The following FNDC3A variants were observed in gnomAD, a reference collection of about 807,000 sequenced individuals.
FNDC3A encodes the protein fibronectin type III domain containing 3A, also known as fibronectin type-III domain-containing protein 3A.
FNDC3A carries 32 observed loss-of-function variants against 148.9 expected under a neutral mutation model. That is an observed-to-expected ratio of 0.21 (90% confidence interval 0.16 to 0.29). The LOEUF (loss-of-function observed/expected upper bound fraction) is 0.29, where lower values mean the gene tolerates loss of function less well. FNDC3A is among the 10% of genes least tolerant of loss of function. The probability of loss-of-function intolerance (pLI) is 1.00; values close to 1 mark genes in which losing one functional copy is unlikely to be tolerated. For missense variants in FNDC3A, 1,191 were observed against 1,452.8 expected (o/e 0.82, Z 2.93); for synonymous variants, 472 against 473.6 (o/e 1.00, Z 0.04).
In FNDC3A at chr13:49,175,515, A is replaced by G. The variant is rs201044902; in HGVS notation, c.1504A>G (p.Ile502Val). The G allele has an allele frequency of 5.0e-6, 8 of 1,608,986 alleles. No individual in the cohort carries two copies. In the East Asian group the frequency reaches 8.9e-5, roughly 18 times the overall value. The change falls in exon 13 of 26, where the codon ATT becomes GTT. Residue 502 changes from isoleucine to valine, a missense_variant. By Grantham distance (29) the Ile-to-Val change is conservative. Coordinates refer to ENST00000492622, the MANE Select transcript of FNDC3A (RefSeq NM_001079673.2). ...GTPSDEGISY[I>V]LEMEEETSGY... ...ACCATCAGATGAAGGAATTTCTTACATTTTAGAGATGGAGGAAGAAACTTC... is the reference window on the plus strand; with the variant it reads ...ACCATCAGATGAAGGAATTTCTTACGTTTTAGAGATGGAGGAAGAAACTTC...
intron 2 of FNDC3A, among the ~76,000 whole-genome samples, chr13:49,040,024 T>A (rs1874805066): frequency 6.6e-6 from 1 of 152,234 alleles, no homozygotes; most frequent in South Asian, 2.1e-4. Flanking sequence ...TGTTATTTTT[T>A]AATGTGACAG....
intron 4 of FNDC3A, among the ~76,000 whole-genome samples, chr13:49,130,258 G>A (rs558753555): frequency 7.0e-4 from 106 of 151,034 alleles, no homozygotes; most frequent in African/African-American, 2.5e-3. Context: ...TAATTTCTAA[G>A]CCTCAAAGCC....
At chr13:49,189,324 A>G (rs1426362181) in intron 17 of FNDC3A, among the ~76,000 whole-genome samples, 1 of 151,980 alleles carries the variant, frequency 6.6e-6, no homozygotes, top group Non-Finnish European at 1.5e-5. Context: ...CTGGGACTAC[A>G]GGCGCCCCCC....
intron 2 of FNDC3A, among the ~76,000 whole-genome samples, chr13:49,043,076 C>T (rs1429050394): frequency 6.6e-6 from 1 of 151,600 alleles, no homozygotes; most frequent in African/African-American, 2.4e-5. Flanking sequence ...CCACCTCAGC[C>T]TCCCAAGTAG....
At chr13:49,046,981 G>A (rs1481938793) in intron 2 of FNDC3A, among the ~76,000 whole-genome samples, 1 of 151,984 alleles carries the variant, frequency 6.6e-6, no homozygotes, top group Non-Finnish European at 1.5e-5. Flanking sequence ...TACCCAATGT[G>A]TAGTCTTTTA....
At chr13:49,071,926 C>G (rs1332167645) in intron 2 of FNDC3A, among the ~76,000 whole-genome samples, 4 of 152,162 alleles carry the variant, frequency 2.6e-5, no homozygotes, top group Non-Finnish European at 5.9e-5. Flanking sequence ...ATTCTCCTGC[C>G]TCAGCTTCCC....
At chr13:48,987,335 C>A (rs956117944) in intron 1 of FNDC3A, among the ~76,000 whole-genome samples, 2 of 152,156 alleles carry the variant, frequency 1.3e-5, no homozygotes, top group African/African-American at 4.8e-5. Flanking sequence ...GGGTTCGTTT[C>A]TTGGAAGCAG....
chr13:49,203,600 A>G (rs1414200409), intron 25 of FNDC3A, among the ~76,000 whole-genome samples: 3 of 152,230 alleles, frequency 2.0e-5, no homozygotes, highest in Non-Finnish European at 4.4e-5. Context: ...GCAAGTAAAC[A>G]TGACAATATA....
At position 49,037,761 on chromosome 13, in the gene FNDC3A, C is replaced by T. The variant is rs545188920; in HGVS notation, c.99+31472C>T. On this transcript the variant is annotated intron_variant, in intron 2 of 25. Transcript: ENST00000492622. ...TGAGAGCTCAAACCCCTTATGGGAG[C>T]GGGAACTCGCAGATGGGCAGGTGCA... 1.7e-3 allele frequency among the ~76,000 whole-genome samples: 253 copies of T among 152,264 alleles called. 2 individuals are homozygous for T. Among genetic ancestry groups the T allele is most frequent in the Non-Finnish European group, 2.1e-3 (140 of 68,018 alleles).
chr13:48,989,985 C>T (rs536431828), intron 1 of FNDC3A, among the ~76,000 whole-genome samples: 33 of 152,080 alleles, frequency 2.2e-4, no homozygotes, highest in Admixed American at 1.2e-3. Context: ...CTCTTGACCT[C>T]GTGATCCGCC....
At position 49,136,319 on chromosome 13, in the gene FNDC3A, T is replaced by C; in HGVS notation, c.491-13T>C. 1.3e-6 allele frequency: 2 copies of C among 1,598,344 alleles called. No homozygotes were observed. The highest frequency in any genetic ancestry group is 1.7e-6 in the Non-Finnish European group (2 of 1,170,426). On this transcript the variant is annotated splice_polypyrimidine_tract_variant and intron_variant, in intron 5 of 25. Transcript: ENST00000492622. ...AGTGATCTTCTTAACATTTTGTTTT[T>C]ATTGCCTCCTAGATGCTCACTCTAC...
chr13:49,034,736 T>C (rs1274713770), intron 2 of FNDC3A, among the ~76,000 whole-genome samples: 1 of 152,030 alleles, frequency 6.6e-6, no homozygotes, highest in African/African-American at 2.4e-5. Context: ...GATAAATTAG[T>C]TTATTTTCAA....
chr13:49,070,174 C>T (rs997848652), intron 2 of FNDC3A, among the ~76,000 whole-genome samples: 12 of 151,842 alleles, frequency 7.9e-5, no homozygotes, highest in Admixed American at 4.6e-4. Context: ...CACTGTCACC[C>T]GGGCTGGAGT....
At position 49,198,212 on chromosome 13, in the gene FNDC3A, G is replaced by A. The variant is rs780013796; in HGVS notation, c.2721G>A (p.Val907=). 1 of 1,614,060 alleles carries A rather than the reference G, an allele frequency of 6.2e-7. No homozygotes were observed. Among genetic ancestry groups the A allele is most frequent in the South Asian group, 1.1e-5 (1 of 91,080 alleles). Reference sequence around the variant, plus strand: ...TTGGAGATAAACAATCCCTAACAGTGGGAAAGGTTACAAGCTATATTATCA... The same window carrying A: ...TTGGAGATAAACAATCCCTAACAGTAGGAAAGGTTACAAGCTATATTATCA... ...IDFGDKQSLT[V]GKVTSYIINN... is the part of the protein sequence containing the mutation. Residue 907 remains valine, a synonymous_variant, in exon 22 of 26, where the codon GTG becomes GTA. Coordinates refer to ENST00000492622, the MANE Select transcript of FNDC3A (RefSeq NM_001079673.2).
rs376874443 is a variant in FNDC3A, at chr13:49,012,176, C to A, written c.99+5887C>A. Reference sequence around the variant, plus strand: ...TGTCACGCAGGTTGGAGTGCAGTGGCGCGATCTCGGCTTGCTGCAAGCTCC... The same window carrying A: ...TGTCACGCAGGTTGGAGTGCAGTGGAGCGATCTCGGCTTGCTGCAAGCTCC... On this transcript the variant is annotated intron_variant, in intron 2 of 25. Transcript: ENST00000492622. Among the ~76,000 whole-genome samples the A allele has an allele frequency of 9.6e-4, 146 of 151,748 alleles. 1 individual carries two copies. Among genetic ancestry groups the A allele is most frequent in the African/African-American group, 3.4e-3 (140 of 41,364 alleles).
chr13:49,098,595 A>G (rs1171798015), intron 3 of FNDC3A, among the ~76,000 whole-genome samples: 1 of 152,166 alleles, frequency 6.6e-6, no homozygotes, highest in Non-Finnish European at 1.5e-5. Flanking sequence ...GTGCTTGGTA[A>G]ACACATCTCC....
intron 2 of FNDC3A, chr13:49,044,121 G>A (rs1052524380): frequency 1.0e-5 from 2 of 195,830 alleles, no homozygotes; most frequent in Admixed American, 4.7e-5. Flanking sequence ...GTCTTCTTCC[G>A]TGTCTCCTTG....
intron 23 of FNDC3A, chr13:49,201,267 T>A (rs1886406113): frequency 6.0e-6 from 1 of 166,464 alleles, no homozygotes; most frequent in South Asian, 1.3e-4. Context: ...ATACTGCTTT[T>A]GTAAATCTCT....
intron 2 of FNDC3A, among the ~76,000 whole-genome samples, chr13:49,028,745 T>A (rs1873907538): frequency 6.6e-6 from 1 of 152,158 alleles, no homozygotes; most frequent in Admixed American, 6.5e-5. Flanking sequence ...TCTGAAATAA[T>A]GATTGACAGA....
Sources: allele counts gnomAD v4.1 joint callset (sites outside exome capture counted in the v4.1 genomes callset), GRCh38; gene constraint gnomAD v4.1.1; transcripts MANE v1.5; gene names NCBI Gene and HGNC (gene_info 2026-07-23, HGNC 2026-07-21).